Variants in MYT1L observed in about 807,000 individuals in gnomAD.
MYT1L encodes myelin transcription factor 1 like.
MYT1L carries 12 observed loss-of-function variants against 126.7 expected under a neutral mutation model. The ratio of observed to expected loss-of-function variants is 0.09; its 90% CI spans 0.06 to 0.15. MYT1L has a LOEUF of 0.15. Ranked by LOEUF, MYT1L falls within the 10% of genes least tolerant of loss-of-function variation. The pLI, the probability that MYT1L is intolerant of heterozygous loss-of-function variation, is 1.00. For missense variants in MYT1L, 979 were observed against 1,585.2 expected, an observed-to-expected ratio of 0.62 and a Z score of 6.49; for synonymous variants, 541 against 604.2, an observed-to-expected ratio of 0.90 and a Z score of 1.53.
chr2:1,934,291 CAT>C lies in MYT1L; in HGVS notation c.505+8689_505+8690del, dbSNP rs71276815. 2.6e-3 allele frequency among the ~76,000 whole-genome samples: 317 copies of C among 123,366 alleles called. 13 individuals are homozygous for C. The highest frequency in any genetic ancestry group is 8.0e-3 in the African/African-American group (267 of 33,190). The allele number at this position is 123,366 out of a possible 152,430, so 80.9% of individuals were successfully genotyped here. On this transcript the variant is annotated intron_variant, in intron 9 of 24. Coordinates refer to ENST00000647738, the MANE Select transcript of MYT1L (RefSeq NM_001303052.2). ...CCCCGCCTGATTTTGATTTTTATAA[CAT>C]ATATATATATATATACAACCTCATA...
At chr2:2,317,644 G>A (rs2096089410) in intron 1 of MYT1L, among the ~76,000 whole-genome samples, 2 of 152,090 alleles carry the variant, frequency 1.3e-5, no homozygotes, top group Non-Finnish European at 2.9e-5. Flanking sequence ...TTTAATATTA[G>A]GTAAAAATAT....
At chr2:2,107,580 G>A (rs1164523995) in intron 3 of MYT1L, among the ~76,000 whole-genome samples, 1 of 152,054 alleles carries the variant, frequency 6.6e-6, no homozygotes, top group Non-Finnish European at 1.5e-5. Flanking sequence ...AAAGCATTTG[G>A]CCAGATAATT....
At chr2:2,061,193 T>C (rs2070430338) in intron 3 of MYT1L, among the ~76,000 whole-genome samples, 1 of 152,156 alleles carries the variant, frequency 6.6e-6, no homozygotes, top group Admixed American at 6.5e-5. Context: ...TTTTCACTAG[T>C]GGCTCATTGT....
intron 20 of MYT1L, 29 bp downstream of exon 20, chr2:1,840,731 A>G (rs2041549436): frequency 1.3e-6 from 2 of 1,506,076 alleles, no homozygotes; most frequent in African/African-American, 1.4e-5. Context: ...CAGCCCTGCT[A>G]TGGTTCTCAG....
At chr2:1,835,840 C>G (rs2040809893) in intron 21 of MYT1L, among the ~76,000 whole-genome samples, 2 of 152,298 alleles carry the variant, frequency 1.3e-5, no homozygotes, top group Non-Finnish European at 2.9e-5. Context: ...TCAGCCAGCC[C>G]ATGGCAGGGC....
At chr2:2,112,213 C>G (rs905885407) in intron 3 of MYT1L, among the ~76,000 whole-genome samples, 7 of 152,274 alleles carry the variant, frequency 4.6e-5, no homozygotes, top group East Asian at 1.9e-4. Flanking sequence ...CCCTTTAAAA[C>G]AAGGCATCTC....
chr2:2,251,693 C>A (rs1559462741), intron 2 of MYT1L, among the ~76,000 whole-genome samples: 1 of 152,084 alleles, frequency 6.6e-6, no homozygotes, highest in Non-Finnish European at 1.5e-5. Flanking sequence ...GATGCAATGA[C>A]AATAGATCTA....
intron 18 of MYT1L, among the ~76,000 whole-genome samples, chr2:1,874,202 T>G (rs200884583): frequency 6.8e-6 from 1 of 147,444 alleles, no homozygotes; most frequent in African/African-American, 2.6e-5. Context: ...TTTTTTTTTT[T>G]CCCCCAAGAT....
At chr2:1,851,928 T>G (rs1470232456) in intron 18 of MYT1L, among the ~76,000 whole-genome samples, 1 of 152,054 alleles carries the variant, frequency 6.6e-6, no homozygotes, top group Admixed American at 6.5e-5. Context: ...CCCCACAGTC[T>G]CTGGAGCAGA....
chr2:2,192,010 C>G (rs891718350), intron 2 of MYT1L, among the ~76,000 whole-genome samples: 6 of 152,206 alleles, frequency 3.9e-5, no homozygotes, highest in Non-Finnish European at 7.3e-5. Context: ...AAAGTAAGAG[C>G]CAATTAGTCC....
At chr2:1,844,499 G>A (rs887176990) in intron 19 of MYT1L, among the ~76,000 whole-genome samples, 2 of 152,176 alleles carry the variant, frequency 1.3e-5, no homozygotes, top group African/African-American at 4.8e-5. Context: ...TCTACAGAAT[G>A]ACTATTTGTG....
chr2:2,113,250 C>T (rs1313592892), intron 3 of MYT1L, among the ~76,000 whole-genome samples: 1 of 152,178 alleles, frequency 6.6e-6, no homozygotes, highest in Non-Finnish European at 1.5e-5. Context: ...AAACAAGCAT[C>T]CTAAAAATTA....
chr2:2,230,015 G>A (rs773828431), intron 2 of MYT1L, among the ~76,000 whole-genome samples: 6 of 151,956 alleles, frequency 3.9e-5, no homozygotes, highest in South Asian at 2.1e-4. Flanking sequence ...CTGTTTACTC[G>A]CCTAACATAG....
chr2:1,988,220 C>T (rs149565541), intron 5 of MYT1L, among the ~76,000 whole-genome samples: 3 of 152,306 alleles, frequency 2.0e-5, no homozygotes, highest in African/African-American at 7.2e-5. Context: ...TCCAACCCTC[C>T]TGCCAGCCCA....
chr2:1,974,993 T>A (rs1395583305), intron 8 of MYT1L, among the ~76,000 whole-genome samples: 3 of 152,354 alleles, frequency 2.0e-5, no homozygotes, highest in East Asian at 3.9e-4. Context: ...ATTTGGAAAT[T>A]AATGTAGAAC....
At chr2:2,201,214 C>A (rs1380092735) in intron 2 of MYT1L, among the ~76,000 whole-genome samples, 1 of 151,774 alleles carries the variant, frequency 6.6e-6, no homozygotes, top group African/African-American at 2.4e-5. Flanking sequence ...TGCATTTTGA[C>A]AATGGTGTCC....
intron 4 of MYT1L, among the ~76,000 whole-genome samples, chr2:2,005,200 A>G (rs148896083): frequency 0.043 from 5,532 of 127,624 alleles, 157 homozygotes; most frequent in Non-Finnish European, 0.052. Flanking sequence ...TCCTGCAGGC[A>G]TTCTTTCCTG....
At chr2:2,129,399 T>C (rs1031426638) in intron 3 of MYT1L, among the ~76,000 whole-genome samples, 4 of 152,136 alleles carry the variant, frequency 2.6e-5, no homozygotes, top group Admixed American at 2.0e-4. Flanking sequence ...GGTATTGACA[T>C]AGAAATGGGA....
At chr2:1,964,186 C>T (rs906657391) in intron 8 of MYT1L, among the ~76,000 whole-genome samples, 6 of 152,162 alleles carry the variant, frequency 3.9e-5, no homozygotes, top group African/African-American at 1.2e-4. Context: ...GGTGGACTGG[C>T]TGGTTGGCAG....
Sources: allele counts gnomAD v4.1 joint callset (sites outside exome capture counted in the v4.1 genomes callset), GRCh38; gene constraint gnomAD v4.1.1; transcripts MANE v1.5; gene names NCBI Gene and HGNC (gene_info 2026-07-23, HGNC 2026-07-21).